Variants in RGPD8 observed in about 807,000 individuals in gnomAD.
The protein encoded by RGPD8 is RANBP2 like and GRIP domain containing 8.
Under a neutral mutation model 89.1 loss-of-function variants are expected in RGPD8, and 15 were observed. That is an observed-to-expected ratio of 0.17 (90% CI 0.11 to 0.26). The LOEUF (loss-of-function observed/expected upper bound fraction) is 0.26, where lower values mean the gene tolerates loss of function less well. RGPD8 is among the 10% of genes least tolerant of loss of function. The probability of loss-of-function intolerance (pLI) is 1.00; values close to 1 mark genes in which losing one functional copy is unlikely to be tolerated. For synonymous variants in RGPD8, 62 were observed against 420.9 expected, an observed-to-expected ratio of 0.15 and a Z score of 10.44; for missense variants, 178 against 1,179.6, an observed-to-expected ratio of 0.15 and a Z score of 12.44.
chr2:112,374,669 G>A (rs1039066790), intron 22 of RGPD8, among the ~76,000 whole-genome samples: 1 of 126,478 alleles, frequency 7.9e-6, no homozygotes, highest in Admixed American at 8.1e-5. Flanking sequence ...TCTGTGGATA[G>A]ATATCCTTCA....
intron 1 of RGPD8, among the ~76,000 whole-genome samples, chr2:112,424,769 T>TAAA (rs1179375432): frequency 1.3e-5 from 2 of 150,876 alleles, no homozygotes; most frequent in Admixed American, 1.3e-4. Flanking sequence ...ATCATCATCA[T>TAAA]AAATAAGCTG....
intron 7 of RGPD8, among the ~76,000 whole-genome samples, chr2:112,409,253 A>G (rs1162695167): frequency 9.6e-5 from 8 of 83,428 alleles, no homozygotes; most frequent in African/African-American, 4.6e-4. Context: ...GGTAGTTAAT[A>G]AAGACTGAGG....
chr2:112,433,615 G>A lies in RGPD8; in HGVS notation c.-162C>T, dbSNP rs1248621300. 1.3e-6 allele frequency: 1 copy of A among 787,056 alleles called. No homozygotes were observed. The highest frequency in any genetic ancestry group is 2.0e-6 in the Non-Finnish European group (1 of 505,586). The allele number at this position is 787,056 out of a possible 1,614,324, so 48.8% of individuals were successfully genotyped here. ...GGCGCCGCCCACGGAGGCCCACTGT[G>A]ACGAACCTGCGTTCTGCCTCAGCAC... is the stretch of plus-strand genomic sequence containing the variant. On this transcript the variant is annotated 5_prime_UTR_variant, in exon 1 of 23. Transcript: ENST00000302558.
intron 22 of RGPD8, among the ~76,000 whole-genome samples, chr2:112,371,043 G>A (rs1471391748): frequency 3.3e-5 from 5 of 151,160 alleles, no homozygotes; most frequent in Non-Finnish European, 2.9e-5. Context: ...TATTGTTGAC[G>A]ATAAGAGGAT....
intron 6 of RGPD8, among the ~76,000 whole-genome samples, chr2:112,415,879 CAA>C (rs1333260729): frequency 5.2e-5 from 6 of 114,968 alleles, no homozygotes; most frequent in African/African-American, 3.4e-5. Flanking sequence ...GACTCAGTCT[CAA>C]AAAAAAAAAA....
At chr2:112,426,777 A>C (rs1399223056) in intron 1 of RGPD8, among the ~76,000 whole-genome samples, 1 of 150,974 alleles carries the variant, frequency 6.6e-6, no homozygotes, top group Non-Finnish European at 1.5e-5. Flanking sequence ...CAAAAATAAT[A>C]CACAACAGTC....
At chr2:112,432,437 G>A (rs1254783535) in intron 1 of RGPD8, 1 of 977,274 alleles carries the variant, frequency 1.0e-6, no homozygotes, top group Non-Finnish European at 1.2e-6. Context: ...CTTACAAAGG[G>A]ACAGCGACAA....
Position 112,390,085 on chromosome 2 carries a change from G to A in RGPD8, c.2860C>T (p.Arg954Trp), listed in dbSNP as rs565291934. 1.2e-4 allele frequency: 184 copies of A among 1,573,672 alleles called. 21 individuals are homozygous for A. The East Asian group carries it at 1.2e-3, about 11-fold the overall frequency. ...TGLQAQDIRG[R>W]KKGRGVIFGQ... is the part of the protein sequence containing the mutation. ...AAAATCACACCACGGCCCTTCTTCC[G>A]GCCCCTAATATCCTGAGCCTGTAAG... Residue 954 changes from arginine (R) to tryptophan (W), a missense_variant, in exon 20 of 23, where the codon CGG (arginine) becomes TGG (tryptophan). Coordinates refer to ENST00000302558, the MANE Select transcript of RGPD8 (RefSeq NM_001164463.1).
At chr2:112,423,543 T>C (rs1679628044) in intron 2 of RGPD8, among the ~76,000 whole-genome samples, 2 of 123,278 alleles carry the variant, frequency 1.6e-5, no homozygotes, top group Non-Finnish European at 3.4e-5. Context: ...TACCAAAAAA[T>C]GCAAACCTTA....
chr2:112,417,221 C>T lies in RGPD8; in HGVS notation c.754G>A (p.Val252Met), dbSNP rs751645332. The change falls in exon 6 of 23, where the codon GTG becomes ATG. Residue 252 changes from valine to methionine, a missense_variant. Transcript: ENST00000302558. ...TCCAGTAATTCTCTATTTTCCTGCA[C>T]ATCTCTAGTGGAAAGCGTAAGAAGC... ...LMLLTLSTRDVQENRELLESF... is the reference protein window; with the variant it reads ...LMLLTLSTRDMQENRELLESF... The T allele has an allele frequency of 1.2e-6, 2 of 1,609,812 alleles. No homozygotes were observed. The highest frequency in any genetic ancestry group is 8.5e-7 in the Non-Finnish European group (1 of 1,179,838).
intron 1 of RGPD8, among the ~76,000 whole-genome samples, chr2:112,426,872 C>T (rs1175849320): frequency 6.9e-6 from 1 of 144,536 alleles, no homozygotes; most frequent in African/African-American, 2.6e-5. Flanking sequence ...TGTCGCCAGG[C>T]TGGAGTGCGG....
At chr2:112,387,510 C>A (rs1678502142) in intron 20 of RGPD8, among the ~76,000 whole-genome samples, 1 of 132,842 alleles carries the variant, frequency 7.5e-6, no homozygotes, top group Non-Finnish European at 1.7e-5. Flanking sequence ...TATAGGCACG[C>A]ACCACCATGC....
chr2:112,410,608 T>C (rs1679135791), intron 7 of RGPD8, among the ~76,000 whole-genome samples: 1 of 148,812 alleles, frequency 6.7e-6, no homozygotes, highest in African/African-American at 2.6e-5. Flanking sequence ...AAATCCCATC[T>C]CTATTAAAAA....
In RGPD8 at chr2:112,390,164, C is replaced by T. The variant is rs752445460; in HGVS notation, c.2781G>A (p.Ser927=). 5.0e-5 allele frequency: 79 copies of T among 1,594,374 alleles called. No individual in the cohort carries two copies. The highest frequency in any genetic ancestry group is 3.2e-4 in the South Asian group (29 of 90,212). The change falls in exon 20 of 23, where the codon TCG becomes TCA. Residue 927 remains serine, a synonymous_variant. Transcript: ENST00000302558. ...VSADGFKFGI[S]EPGNQEKKRE... The stretch of plus-strand genomic sequence containing the variant: ...TTTTCTTTTCTTGATTTCCTGGTTC[C>T]GAAATGCCAAATTTAAATCCATCAG...
At chr2:112,426,698 C>G (rs1318099761) in intron 1 of RGPD8, among the ~76,000 whole-genome samples, 1 of 151,612 alleles carries the variant, frequency 6.6e-6, no homozygotes, top group Non-Finnish European at 1.5e-5. Flanking sequence ...AGGCTAACAC[C>G]TGCAATCCCA....
chr2:112,380,455 C>A (rs1189638514), intron 21 of RGPD8, among the ~76,000 whole-genome samples: 1 of 141,764 alleles, frequency 7.1e-6, no homozygotes, highest in African/African-American at 2.5e-5. Flanking sequence ...AGATCGAGAC[C>A]ATCCTGGCTA....
chr2:112,428,774 T>G (rs1473207398), intron 1 of RGPD8, among the ~76,000 whole-genome samples: 1 of 152,188 alleles, frequency 6.6e-6, no homozygotes, highest in African/African-American at 2.4e-5. Flanking sequence ...ATTTGAGGGT[T>G]TAAATTGCTG....
At chr2:112,416,088 C>CAAAAAAAAAAAAAAAA (rs1168507298) in intron 6 of RGPD8, among the ~76,000 whole-genome samples, 150 of 88,880 alleles carry the variant, frequency 1.7e-3, no homozygotes, top group Middle Eastern at 0.011. Context: ...GACTCCATCT[C>CAAAAAAAAAAAAAAAA]AAAAAAAAAA....
At chr2:112,423,638 A>C (rs1220760406) in intron 2 of RGPD8, among the ~76,000 whole-genome samples, 1 of 143,366 alleles carries the variant, frequency 7.0e-6, no homozygotes, top group Non-Finnish European at 1.5e-5. Flanking sequence ...CAGAAGGCAG[A>C]GGTTACAGTG....
Sources: allele counts gnomAD v4.1 joint callset (sites outside exome capture counted in the v4.1 genomes callset), GRCh38; gene constraint gnomAD v4.1.1; transcripts MANE v1.5; gene names NCBI Gene and HGNC (gene_info 2026-07-23, HGNC 2026-07-21).